The following ATOX1 variants were observed in gnomAD, a reference collection of about 807,000 sequenced individuals.
The protein encoded by ATOX1 is copper transport protein ATOX1.
ATOX1 carries 4 observed loss-of-function variants against 7.3 expected under a neutral mutation model. The observed-to-expected ratio is 0.55, with a 90% CI of 0.27 to 1.25. The LOEUF is 1.25. ATOX1 is among the 50% of genes most tolerant of loss of function. The pLI, the probability that ATOX1 is intolerant of heterozygous loss-of-function variation, is 0.12. For synonymous variants in ATOX1, 25 were observed against 28.7 expected (o/e 0.87, Z 0.41); for missense variants, 68 against 81.6 (o/e 0.83, Z 0.64).
At chr5:151,750,395 A>G (rs1280766266) in intron 2 of ATOX1, among the ~76,000 whole-genome samples, 2 of 151,976 alleles carry the variant, frequency 1.3e-5, no homozygotes, top group Non-Finnish European at 2.9e-5. Flanking sequence ...CATATCTATG[A>G]AAAGTACAAA....
intron 2 of ATOX1, among the ~76,000 whole-genome samples, chr5:151,746,914 A>G (rs1327953689): frequency 6.6e-6 from 1 of 152,054 alleles, no homozygotes; most frequent in African/African-American, 2.4e-5. Flanking sequence ...TTGTATTTTT[A>G]GTAGAGACAG....
At chr5:151,745,181 G>C (rs1248726755) in intron 3 of ATOX1, 1 of 152,092 alleles carries the variant, frequency 6.6e-6, no homozygotes, top group Admixed American at 6.5e-5. Context: ...CTTTGGGAAG[G>C]AGGCTATCCT....
intron 3 of ATOX1, chr5:151,744,578 C>T (rs1296501460): frequency 3.9e-5 from 6 of 152,168 alleles, no homozygotes; most frequent in Non-Finnish European, 7.3e-5. Flanking sequence ...AGTTTCTAAT[C>T]CAAGATGTGT....
intron 2 of ATOX1, among the ~76,000 whole-genome samples, chr5:151,749,154 G>A (rs1375479598): frequency 6.6e-6 from 1 of 152,124 alleles, no homozygotes. Context: ...AGAGCCTGCT[G>A]CTTTGTATTT....
chr5:151,750,517 A>AG (rs1761934442), intron 2 of ATOX1, among the ~76,000 whole-genome samples: 1 of 151,756 alleles, frequency 6.6e-6, no homozygotes, highest in African/African-American at 2.4e-5. Flanking sequence ...CTCAAAAAAA[A>AG]AAAAAAAAAA....
At chr5:151,744,413 T>C (rs1435320920) in intron 3 of ATOX1, 2 of 152,308 alleles carry the variant, frequency 1.3e-5, no homozygotes, top group Admixed American at 1.3e-4. Context: ...TCAGCATAAA[T>C]GGGTTAAAAT....
intron 2 of ATOX1, among the ~76,000 whole-genome samples, chr5:151,750,668 A>G: frequency 9.5e-6 from 1 of 105,184 alleles, no homozygotes; most frequent in East Asian, 3.2e-4. Flanking sequence ...TTTTTTGGAG[A>G]CAGGGTCTTG....
intron 3 of ATOX1, chr5:151,745,107 T>C (rs752977201): frequency 2.0e-5 from 3 of 152,212 alleles, no homozygotes; most frequent in Non-Finnish European, 4.4e-5. Flanking sequence ...TGACATCTTG[T>C]AACTTGCATG....
chr5:151,749,096 G>C lies in ATOX1; in HGVS notation c.82+2608C>G, dbSNP rs544442518. Among the ~76,000 whole-genome samples, 65 of 152,248 alleles carry C rather than the reference G, an allele frequency of 4.3e-4. 3 individuals carry two copies. The highest frequency in any genetic ancestry group is 3.1e-4 in the Non-Finnish European group (21 of 67,988). On this transcript the variant is annotated intron_variant, in intron 2 of 3. Coordinates refer to ENST00000313115, the MANE Select transcript of ATOX1 (RefSeq NM_004045.4). ...CTGGATGAAGTTCCTGGGATGGGTA[G>C]ATGTCTTTGAGCTGTCAAACGAAAT...
At chr5:151,755,899 G>C (rs1762008351) in intron 1 of ATOX1, among the ~76,000 whole-genome samples, 1 of 149,700 alleles carries the variant, frequency 6.7e-6, no homozygotes, top group Non-Finnish European at 1.5e-5. Flanking sequence ...AAGCCAGTAG[G>C]TTTAAAGTAG....
intron 2 of ATOX1, among the ~76,000 whole-genome samples, chr5:151,750,644 C>CTTTTTTTTTTTTTTTTTT (rs34586233): frequency 1.0e-5 from 1 of 100,352 alleles, no homozygotes; most frequent in Admixed American, 1.1e-4. Flanking sequence ...TTTTTTCTTT[C>CTTTTTTTTTTTTTTTTTT]TTTTTTTTTT....
chr5:151,750,709 C>T (rs1335544459), intron 2 of ATOX1, among the ~76,000 whole-genome samples: 1 of 143,074 alleles, frequency 7.0e-6, no homozygotes, highest in African/African-American at 2.6e-5. Flanking sequence ...TGCAGTGGCA[C>T]GATCTAGGCT....
intron 1 of ATOX1, among the ~76,000 whole-genome samples, chr5:151,757,769 C>G (rs1762035589): frequency 6.6e-6 from 1 of 152,220 alleles, no homozygotes; most frequent in Non-Finnish European, 1.5e-5. Flanking sequence ...GGAGCTGAAT[C>G]CTGGCTCTGC....
intron 2 of ATOX1, among the ~76,000 whole-genome samples, chr5:151,749,454 T>C (rs1761916609): frequency 6.7e-6 from 1 of 149,532 alleles, no homozygotes; most frequent in Admixed American, 6.7e-5. Context: ...CATTGCACTC[T>C]AGCCTGGGCA....
intron 1 of ATOX1, among the ~76,000 whole-genome samples, chr5:151,752,903 A>G (rs1193593305): frequency 5.9e-5 from 9 of 152,042 alleles, no homozygotes; most frequent in Non-Finnish European, 2.9e-5. Context: ...TGCCTCTGGT[A>G]TTTATGCCCT....
In ATOX1 at chr5:151,748,928, C is replaced by T. The variant is rs180901442; in HGVS notation, c.83-2479G>A. On this transcript the variant is annotated intron_variant, in intron 2 of 3. Transcript: ENST00000313115. The stretch of plus-strand genomic sequence containing the variant: ...TGCATAACAAAGCAAGACCCTGTCT[C>T]TACAAAAAACAAAAACAAAAACAAA... 1.6e-3 allele frequency among the ~76,000 whole-genome samples: 246 copies of T among 151,996 alleles called. 1 individual carries two copies. Among genetic ancestry groups the T allele is most frequent in the African/African-American group, 5.1e-3 (210 of 41,458 alleles).
chr5:151,743,935 A>G (rs1387689955), intron 3 of ATOX1: 7 of 152,230 alleles, frequency 4.6e-5, no homozygotes, highest in Non-Finnish European at 1.5e-5. Flanking sequence ...TAAAAAATCT[A>G]AAGTAGATTA....
Position 151,750,368 on chromosome 5 carries a change from GC to G in ATOX1, c.82+1335del, listed in dbSNP as rs1761931768. Among the ~76,000 whole-genome samples, 3 of 152,144 alleles carry G rather than the reference GC, an allele frequency of 2.0e-5. No individual in the cohort carries two copies. The South Asian group carries it at 6.2e-4, about 32-fold the overall frequency. On this transcript the variant is annotated intron_variant, in intron 2 of 3. Transcript: ENST00000313115. ...AGGTCAAGAGTTCAAGACCAGCCTG[GC>G]CAACATGGTGAAATCCATATCTATG...
intron 3 of ATOX1, chr5:151,745,967 C>A: frequency 1.0e-5 from 2 of 195,276 alleles, no homozygotes; most frequent in South Asian, 1.9e-4. Context: ...CAAAGGTGCA[C>A]TGCTTAGGGT....
Sources: gnomAD v4.1 joint callset for allele counts (sites outside exome capture counted in the v4.1 genomes callset) on GRCh38, gnomAD v4.1.1 for gene constraint, MANE v1.5 for transcripts, NCBI Gene and HGNC (gene_info 2026-07-23, HGNC 2026-07-21) for gene names.